Variants in CDH18 observed in about 807,000 individuals in gnomAD.
The protein encoded by CDH18 is cadherin-18.
CDH18 carries 31 observed loss-of-function variants against 67.9 expected under a neutral mutation model. The ratio of observed to expected loss-of-function variants is 0.46; its 90% confidence interval spans 0.34 to 0.62. The LOEUF is 0.62. Ranked by LOEUF, CDH18 falls within the 20% of genes least tolerant of loss-of-function variation. The pLI is 0.01. For missense variants in CDH18, 890 were observed against 975.5 expected (o/e 0.91, Z 1.17); for synonymous variants, 362 against 347.2 (o/e 1.04, Z -0.48).
intron 3 of CDH18, among the ~76,000 whole-genome samples, chr5:19,822,050 A>G (rs2149950943): frequency 6.6e-6 from 1 of 152,294 alleles, no homozygotes; most frequent in Middle Eastern, 3.4e-3. Context: ...GTAACTATAC[A>G]ATTGAGACTA....
chr5:20,367,614 TA>T (rs2150079924), intron 1 of CDH18, among the ~76,000 whole-genome samples: 1 of 152,374 alleles, frequency 6.6e-6, no homozygotes, highest in African/African-American at 2.4e-5. Context: ...ACAAGTCTTA[TA>T]CTCTTATATT....
chr5:20,315,840 T>G (rs1737413742), intron 1 of CDH18, among the ~76,000 whole-genome samples: 1 of 152,138 alleles, frequency 6.6e-6, no homozygotes, highest in Non-Finnish European at 1.5e-5. Context: ...TGATTAAACA[T>G]TATCTTATTT....
intron 2 of CDH18, among the ~76,000 whole-genome samples, chr5:20,020,152 G>C (rs1676890359): frequency 6.6e-6 from 1 of 152,176 alleles, no homozygotes; most frequent in South Asian, 2.1e-4. Context: ...CGTTCAAGAA[G>C]TGGCCTGGCT....
chr5:20,341,286 G>A (rs1030204486), intron 1 of CDH18, among the ~76,000 whole-genome samples: 8 of 151,974 alleles, frequency 5.3e-5, no homozygotes, highest in South Asian at 4.2e-4. Context: ...AGCAACCAGC[G>A]AATATAAAGC....
intron 9 of CDH18, among the ~76,000 whole-genome samples, chr5:19,534,129 C>T (rs1749057596): frequency 6.6e-6 from 1 of 151,528 alleles, no homozygotes; most frequent in African/African-American, 2.4e-5. Context: ...TTGTGTAGAA[C>T]CTAAAAGGTA....
intron 1 of CDH18, among the ~76,000 whole-genome samples, chr5:20,268,720 C>T (rs1189098663): frequency 1.3e-5 from 2 of 151,924 alleles, no homozygotes; most frequent in Non-Finnish European, 2.9e-5. Context: ...CAAGACAGAC[C>T]CTATCTCAAC....
chr5:20,498,435 A>C (rs561805779), intron 1 of CDH18, among the ~76,000 whole-genome samples: 47 of 152,178 alleles, frequency 3.1e-4, no homozygotes, highest in Non-Finnish European at 6.2e-4. Flanking sequence ...GAATCATTGG[A>C]GATTGCTTGA....
At chr5:20,435,123 G>A (rs746109246) in intron 1 of CDH18, among the ~76,000 whole-genome samples, 2 of 151,930 alleles carry the variant, frequency 1.3e-5, no homozygotes, top group Non-Finnish European at 2.9e-5. Context: ...AGTAGTGACC[G>A]TTCCCTCTCC....
At chr5:19,721,266 G>A (rs754975569) in intron 5 of CDH18, 81 bp downstream of exon 5, 28 of 1,294,144 alleles carry the variant, frequency 2.2e-5, no homozygotes, top group African/African-American at 4.4e-5. Flanking sequence ...TAATGGAAAA[G>A]AGCATATGGA....
intron 10 of CDH18, among the ~76,000 whole-genome samples, chr5:19,519,839 G>A (rs1045664675): frequency 6.6e-6 from 1 of 152,160 alleles, no homozygotes; most frequent in South Asian, 2.1e-4. Flanking sequence ...GAAACTGAAT[G>A]TTCCCAACAG....
intron 11 of CDH18, among the ~76,000 whole-genome samples, chr5:19,499,857 C>A (rs753405044): frequency 1.1e-3 from 166 of 152,048 alleles, no homozygotes; most frequent in African/African-American, 3.8e-3. Flanking sequence ...TGTCATATAG[C>A]AATTTGGGAG....
intron 6 of CDH18, among the ~76,000 whole-genome samples, chr5:19,608,343 A>C (rs1748404767): frequency 2.0e-5 from 3 of 151,704 alleles, no homozygotes; most frequent in Non-Finnish European, 4.4e-5. Flanking sequence ...AAAGACCTCA[A>C]TTCTTTGATA....
chr5:20,060,221 T>G (rs1447661447), intron 2 of CDH18, among the ~76,000 whole-genome samples: 3 of 152,056 alleles, frequency 2.0e-5, no homozygotes, highest in African/African-American at 7.2e-5. Context: ...TCCCAGCACC[T>G]TGGGAGGCCG....
At chr5:20,168,892 GA>G (rs772662590) in intron 2 of CDH18, among the ~76,000 whole-genome samples, 16 of 152,074 alleles carry the variant, frequency 1.1e-4, no homozygotes, top group Admixed American at 2.0e-4. Flanking sequence ...GCCAGGCACA[GA>G]AACATCACTT....
chr5:19,650,701 G>A (rs1481527841), intron 5 of CDH18, among the ~76,000 whole-genome samples: 1 of 152,000 alleles, frequency 6.6e-6, no homozygotes, highest in Non-Finnish European at 1.5e-5. Flanking sequence ...AGGGGTCCTA[G>A]TCACAAGGAT....
At chr5:20,102,025 C>G (rs762799474) in intron 2 of CDH18, among the ~76,000 whole-genome samples, 1 of 152,016 alleles carries the variant, frequency 6.6e-6, no homozygotes, top group Non-Finnish European at 1.5e-5. Context: ...GAGCTGAGAT[C>G]GCGCCACTGT....
At chr5:19,971,291 C>T (rs977481784) in intron 2 of CDH18, among the ~76,000 whole-genome samples, 19 of 151,930 alleles carry the variant, frequency 1.3e-4, no homozygotes, top group African/African-American at 4.6e-4. Context: ...AATAGAAGTA[C>T]TCAAAAGTGA....
chr5:19,513,417 G>A (rs80224379), intron 10 of CDH18, among the ~76,000 whole-genome samples: 5,418 of 152,064 alleles, frequency 0.036, 142 homozygotes, highest in Non-Finnish European at 0.056. Flanking sequence ...TACAAGAGGC[G>A]GTAAGCCTCT....
chr5:20,455,777 T>C (rs1194962488), intron 1 of CDH18, among the ~76,000 whole-genome samples: 1 of 152,154 alleles, frequency 6.6e-6, no homozygotes, highest in East Asian at 1.9e-4. Flanking sequence ...CAATAGTTTC[T>C]TTCTTAGAAT....
Sources: gnomAD v4.1 joint callset for allele counts (sites outside exome capture counted in the v4.1 genomes callset) on GRCh38, gnomAD v4.1.1 for gene constraint, MANE v1.5 for transcripts, NCBI Gene and HGNC (gene_info 2026-07-23, HGNC 2026-07-21) for gene names.